Variants in TACR1 observed in about 807,000 individuals in gnomAD.
TACR1 encodes tachykinin receptor 1.
In TACR1, 25 loss-of-function variants were observed where a neutral mutation model predicts 35.8. The observed-to-expected ratio is 0.70, with a 90% CI of 0.51 to 0.98. TACR1 has a LOEUF of 0.98. Among genes scored for constraint, TACR1 ranks in the 50% least tolerant of loss-of-function variants. The probability of loss-of-function intolerance (pLI) is 0.00; values close to 1 mark genes in which losing one functional copy is unlikely to be tolerated. For synonymous variants in TACR1, 195 were observed against 206.7 expected (o/e 0.94, Z 0.48); for missense variants, 478 against 522.9 (o/e 0.91, Z 0.84).
intron 1 of TACR1, among the ~76,000 whole-genome samples, chr2:75,149,673 T>C (rs536558722): frequency 6.6e-5 from 10 of 152,326 alleles, no homozygotes; most frequent in African/African-American, 2.4e-4. Context: ...TATACAATCA[T>C]GTCATCTGCG....
chr2:75,186,351 A>AAC (rs1338845482), intron 1 of TACR1, among the ~76,000 whole-genome samples: 1 of 147,594 alleles, frequency 6.8e-6, no homozygotes, highest in East Asian at 2.0e-4. Context: ...CACCCTGGGC[A>AAC]ACACAGCAAG....
At chr2:75,065,153 G>A (rs368665392) in intron 2 of TACR1, among the ~76,000 whole-genome samples, 12 of 152,194 alleles carry the variant, frequency 7.9e-5, no homozygotes, top group African/African-American at 1.4e-4. Context: ...GCCGGCACCT[G>A]GACCAACCAG....
At chr2:75,050,875 G>C (rs1420247125) in intron 4 of TACR1, among the ~76,000 whole-genome samples, 1 of 152,198 alleles carries the variant, frequency 6.6e-6, no homozygotes, top group African/African-American at 2.4e-5. Flanking sequence ...TGGATCCATA[G>C]AGCAGAGTGA....
At chr2:75,162,942 C>A (rs1012378695) in intron 1 of TACR1, among the ~76,000 whole-genome samples, 6 of 152,170 alleles carry the variant, frequency 3.9e-5, no homozygotes, top group Admixed American at 3.9e-4. Flanking sequence ...TTTTCCCTGT[C>A]CTGGTCCCAT....
intron 1 of TACR1, among the ~76,000 whole-genome samples, chr2:75,181,846 G>T (rs1404506529): frequency 6.6e-6 from 1 of 152,180 alleles, no homozygotes; most frequent in African/African-American, 2.4e-5. Context: ...CAGTTAACTT[G>T]TTTACAATTC....
rs1019869097 is a variant in TACR1 at position 75,048,144 on chromosome 2, A to G, written c.*1288T>C. ...GGCAAAGCCATGGAGCAGGGAGGAG[A>G]CATTCAGAGAGTCTGAAGGGAAGAT... On this transcript the variant is annotated 3_prime_UTR_variant, in exon 5 of 5. Coordinates refer to ENST00000305249, the MANE Select transcript of TACR1 (RefSeq NM_001058.4). 6 of 152,252 alleles carry G rather than the reference A, an allele frequency of 3.9e-5. No homozygotes were observed. Among genetic ancestry groups the G allele is most frequent in the Admixed American group, 1.3e-4 (2 of 15,288 alleles). 9.4% of individuals were successfully genotyped at this position (152,252 alleles called of 1,614,324 possible). A position where few individuals can be genotyped will look rare whatever the true frequency, so the allele number is the denominator to read the frequency against.
chr2:75,115,911 A>AAAAG, intron 2 of TACR1, among the ~76,000 whole-genome samples: 1 of 150,840 alleles, frequency 6.6e-6, no homozygotes, highest in Admixed American at 6.6e-5. Flanking sequence ...CGTCTCAAAA[A>AAAAG]AAAAAAAAAA....
intron 1 of TACR1, among the ~76,000 whole-genome samples, chr2:75,124,737 A>T (rs1215441429): frequency 6.6e-6 from 1 of 152,246 alleles, no homozygotes; most frequent in African/African-American, 2.4e-5. Context: ...TTTATTTACA[A>T]AAACAGGAGG....
intron 2 of TACR1, among the ~76,000 whole-genome samples, chr2:75,059,849 C>G (rs1183539955): frequency 1.3e-5 from 2 of 152,166 alleles, no homozygotes; most frequent in Non-Finnish European, 2.9e-5. Flanking sequence ...TTCAGGCTTT[C>G]TCTCCTTCTC....
At chr2:75,170,556 G>A (rs994006880) in intron 1 of TACR1, among the ~76,000 whole-genome samples, 1 of 152,190 alleles carries the variant, frequency 6.6e-6, no homozygotes, top group Non-Finnish European at 1.5e-5. Context: ...GGTTGGAACA[G>A]TTTGGAGGGC....
chr2:75,156,278 A>G (rs1300397691), intron 1 of TACR1: 3 of 152,272 alleles, frequency 2.0e-5, no homozygotes, highest in African/African-American at 7.2e-5. Context: ...GCCACAAGCC[A>G]AGGAACCTCT....
intron 1 of TACR1, among the ~76,000 whole-genome samples, chr2:75,138,308 T>A (rs1219068623): frequency 6.6e-6 from 1 of 152,204 alleles, no homozygotes; most frequent in African/African-American, 2.4e-5. Context: ...CCACCTCCTA[T>A]GTGCCAGGTG....
chr2:75,165,800 C>G (rs956098419), intron 1 of TACR1, among the ~76,000 whole-genome samples: 1 of 152,124 alleles, frequency 6.6e-6, no homozygotes, highest in Non-Finnish European at 1.5e-5. Context: ...TGACAAATGC[C>G]CAACAGTGGA....
intron 1 of TACR1, among the ~76,000 whole-genome samples, chr2:75,170,506 G>A (rs769845300): frequency 2.1e-4 from 32 of 152,200 alleles, no homozygotes; most frequent in Non-Finnish European, 4.1e-4. Context: ...AAAGATACCT[G>A]AAAATGTGGA....
Position 75,177,074 on chromosome 2 carries a change from C to T in TACR1, c.389+21472G>A, listed in dbSNP as rs531083343. On this transcript the variant is annotated intron_variant, in intron 1 of 4. Coordinates refer to ENST00000305249, the MANE Select transcript of TACR1 (RefSeq NM_001058.4). Reference sequence around the variant, plus strand: ...ATGGTGGCTGTTCCTCCTCCACAGTCCACCCACCACAGAGCCGGCACCAGG... The same window carrying T: ...ATGGTGGCTGTTCCTCCTCCACAGTTCACCCACCACAGAGCCGGCACCAGG... 2.6e-4 allele frequency among the ~76,000 whole-genome samples: 39 copies of T among 152,250 alleles called. No individual in the cohort carries two copies. The East Asian group carries it at 7.3e-3, about 29-fold the overall frequency.
chr2:75,067,835 G>T (rs1350863359), intron 2 of TACR1, among the ~76,000 whole-genome samples: 1 of 152,172 alleles, frequency 6.6e-6, no homozygotes, highest in East Asian at 1.9e-4. Context: ...TGAGGGCCAT[G>T]AGATGTGGTG....
At chr2:75,059,681 A>T (rs760370426) in intron 2 of TACR1, among the ~76,000 whole-genome samples, 5 of 152,190 alleles carry the variant, frequency 3.3e-5, no homozygotes, top group Non-Finnish European at 7.3e-5. Context: ...TCACAAACAA[A>T]CCTGAATCTG....
At chr2:75,145,475 C>T (rs1674488183) in intron 1 of TACR1, among the ~76,000 whole-genome samples, 1 of 152,036 alleles carries the variant, frequency 6.6e-6, no homozygotes, top group South Asian at 2.1e-4. Flanking sequence ...ATCTAAAAAA[C>T]CAAAGAAAAT....
intron 1 of TACR1, among the ~76,000 whole-genome samples, chr2:75,175,748 C>A (rs1675397251): frequency 6.6e-6 from 1 of 152,122 alleles, no homozygotes; most frequent in African/African-American, 2.4e-5. Flanking sequence ...AGCTTAATCA[C>A]ATCTGTAAAG....
Sources: allele counts gnomAD v4.1 joint callset (sites outside exome capture counted in the v4.1 genomes callset), GRCh38; gene constraint gnomAD v4.1.1; transcripts MANE v1.5; gene names NCBI Gene and HGNC (gene_info 2026-07-23, HGNC 2026-07-21).